KSR2: variants seen among roughly 807,000 people sequenced by gnomAD.
KSR2 encodes kinase suppressor of ras 2.
In KSR2, 25 loss-of-function variants were observed where a neutral mutation model predicts 107.8. The observed-to-expected ratio is 0.23, with a 90% CI of 0.17 to 0.32. KSR2 has a LOEUF of 0.32. Among genes scored for constraint, KSR2 ranks in the 10% least tolerant of loss-of-function variants. The pLI, the probability that KSR2 is intolerant of heterozygous loss-of-function variation, is 1.00. For missense variants in KSR2, 887 were observed against 1,268.9 expected (o/e 0.70, Z 4.57); for synonymous variants, 480 against 507.0 (o/e 0.95, Z 0.71).
chr12:117,636,415 C>T (rs1397888777), intron 5 of KSR2, among the ~76,000 whole-genome samples: 2 of 150,428 alleles, frequency 1.3e-5, no homozygotes, highest in East Asian at 3.9e-4. Context: ...AATAAGAAAA[C>T]ATTTAAGATC....
chr12:117,947,718 T>C lies in KSR2; in HGVS notation c.180+20358A>G, dbSNP rs560998640. On this transcript the variant is annotated intron_variant, in intron 1 of 19. Transcript: ENST00000339824. ...AAGGTCAACACAAAAATCAATTATA[T>C]TTTTAATACTAAAAATAATCAGGAA... 1.5e-4 allele frequency among the ~76,000 whole-genome samples: 23 copies of C among 152,252 alleles called. No homozygotes were observed. The East Asian group carries it at 4.0e-3, about 27-fold the overall frequency.
chr12:117,607,989 C>T (rs73211933), intron 5 of KSR2, among the ~76,000 whole-genome samples: 2,661 of 152,248 alleles, frequency 0.017, 46 homozygotes, highest in Non-Finnish European at 0.025. Context: ...GGAATGGAGC[C>T]CCACATGGGG....
At chr12:117,647,207 G>A (rs767804415) in intron 5 of KSR2, among the ~76,000 whole-genome samples, 70 of 152,316 alleles carry the variant, frequency 4.6e-4, no homozygotes, top group Admixed American at 1.2e-3. Flanking sequence ...TAAGGTAGGA[G>A]AGAGTGAAGG....
intron 16 of KSR2, among the ~76,000 whole-genome samples, chr12:117,483,442 T>C (rs935983669): frequency 1.3e-5 from 2 of 150,882 alleles, no homozygotes; most frequent in Non-Finnish European, 3.0e-5. Context: ...TGAAGTAAAA[T>C]GAGAGAAACT....
At chr12:117,929,508 C>G (rs1317054986) in intron 1 of KSR2, among the ~76,000 whole-genome samples, 1 of 152,204 alleles carries the variant, frequency 6.6e-6, no homozygotes, top group African/African-American at 2.4e-5. Context: ...AAACCTCTTT[C>G]TTTTGTAAAT....
intron 3 of KSR2, among the ~76,000 whole-genome samples, chr12:117,826,979 G>A (rs574841366): frequency 4.1e-5 from 6 of 147,348 alleles, no homozygotes; most frequent in Non-Finnish European, 7.4e-5. Flanking sequence ...CTCAGCTAGT[G>A]AGCTGAGATC....
At chr12:117,888,292 T>C (rs948083795) in intron 1 of KSR2, among the ~76,000 whole-genome samples, 1 of 152,164 alleles carries the variant, frequency 6.6e-6, no homozygotes, top group Non-Finnish European at 1.5e-5. Context: ...TGTATTCAAA[T>C]ATACAAATAA....
intron 1 of KSR2, among the ~76,000 whole-genome samples, chr12:117,893,360 A>T (rs1357479242): frequency 6.6e-6 from 1 of 152,166 alleles, no homozygotes; most frequent in Non-Finnish European, 1.5e-5. Flanking sequence ...AAAAGTGACC[A>T]AGTCTCCAAA....
chr12:117,683,528 T>C (rs1391815849), intron 4 of KSR2, among the ~76,000 whole-genome samples: 1 of 152,216 alleles, frequency 6.6e-6, no homozygotes, highest in Non-Finnish European at 1.5e-5. Flanking sequence ...TAAATGTGTA[T>C]ATTATATGTC....
intron 1 of KSR2, among the ~76,000 whole-genome samples, chr12:117,868,548 C>G (rs1391544790): frequency 6.6e-6 from 1 of 152,044 alleles, no homozygotes; most frequent in Non-Finnish European, 1.5e-5. Flanking sequence ...CTTACATTCC[C>G]AGGAACTAGG....
chr12:117,627,089 T>G (rs1188773623), intron 5 of KSR2, among the ~76,000 whole-genome samples: 1 of 152,096 alleles, frequency 6.6e-6, no homozygotes, highest in Non-Finnish European at 1.5e-5. Flanking sequence ...TGAGCCTATG[T>G]GCGTCTTTAC....
chr12:117,881,289 G>C (rs1400054955), intron 1 of KSR2, among the ~76,000 whole-genome samples: 8 of 152,184 alleles, frequency 5.3e-5, no homozygotes, highest in Admixed American at 3.3e-4. Flanking sequence ...CTTTTTGTTA[G>C]TGTTTGTTTT....
chr12:117,589,409 G>A (rs969138408), intron 5 of KSR2, among the ~76,000 whole-genome samples: 1 of 152,130 alleles, frequency 6.6e-6, no homozygotes, highest in Non-Finnish European at 1.5e-5. Context: ...TTCCCTTTTA[G>A]GTGCTAAAGC....
chr12:117,488,348 T>G (rs377384814), intron 14 of KSR2, among the ~76,000 whole-genome samples: 7 of 152,202 alleles, frequency 4.6e-5, no homozygotes, highest in African/African-American at 1.7e-4. Context: ...CCCCTACACA[T>G]GCACTAGAAT....
chr12:117,668,207 T>A (rs1331712878), intron 4 of KSR2, among the ~76,000 whole-genome samples: 1 of 152,226 alleles, frequency 6.6e-6, no homozygotes, highest in African/African-American at 2.4e-5. Flanking sequence ...TTTCAAGAGA[T>A]CTAAGTAGAC....
At chr12:117,531,114 T>G (rs989204500) in intron 11 of KSR2, 101 bp from the exon 12 acceptor site, 4 of 918,674 alleles carry the variant, frequency 4.4e-6, no homozygotes, top group Non-Finnish European at 7.1e-6. Context: ...TTTCACCAGA[T>G]CTTGGATCTC....
intron 7 of KSR2, among the ~76,000 whole-genome samples, chr12:117,563,210 G>T (rs1306437014): frequency 1.3e-5 from 2 of 152,122 alleles, no homozygotes; most frequent in Non-Finnish European, 2.9e-5. Context: ...ACTCTCCAAG[G>T]TCCTGATTGG....
chr12:117,545,487 A>G (rs1876792280), intron 9 of KSR2, among the ~76,000 whole-genome samples: 1 of 152,170 alleles, frequency 6.6e-6, no homozygotes, highest in South Asian at 2.1e-4. Context: ...TTACAGGGCT[A>G]TGCAAATTAT....
chr12:117,859,442 CGTTTTTT>C lies in KSR2; in HGVS notation c.321+842_321+848del, dbSNP rs1314908841. 2.1e-5 allele frequency among the ~76,000 whole-genome samples: 3 copies of C among 143,276 alleles called. No homozygotes were observed. In the Admixed American group the frequency reaches 2.1e-4, roughly 10 times the overall value. The allele number at this position is 143,276 out of a possible 152,430, so 94.0% of individuals were successfully genotyped here. A position where few individuals can be genotyped will look rare whatever the true frequency, so the allele number is the denominator to read the frequency against. ...GCCACCGCGCCTGGCCTGTTTTTTT[CGTTTTTT>C]GTTTTTTATTTATTTTTTTTTTTTT... On this transcript the variant is annotated intron_variant, in intron 2 of 19. Coordinates refer to ENST00000339824, the MANE Select transcript of KSR2 (RefSeq NM_173598.6).
Sources: gnomAD v4.1 joint callset for allele counts (sites outside exome capture counted in the v4.1 genomes callset) on GRCh38, gnomAD v4.1.1 for gene constraint, MANE v1.5 for transcripts, NCBI Gene and HGNC (gene_info 2026-07-23, HGNC 2026-07-21) for gene names.